MCC: variants seen among roughly 807,000 people sequenced by gnomAD.
MCC encodes colorectal mutant cancer protein.
A neutral mutation model predicts 116.2 loss-of-function variants in MCC; 90 were observed. That is an observed-to-expected ratio of 0.77 (90% CI 0.65 to 0.92). The LOEUF (loss-of-function observed/expected upper bound fraction) is 0.92, where lower values mean the gene tolerates loss of function less well. Ranked by LOEUF, MCC falls within the 40% of genes least tolerant of loss-of-function variation. The pLI is 0.00. For synonymous variants in MCC, 578 were observed against 510.5 expected, an observed-to-expected ratio of 1.13 and a Z score of -1.78; for missense variants, 1,516 against 1,312.2, an observed-to-expected ratio of 1.16 and a Z score of -2.40.
chr5:113,173,914 C>G (rs1011251389), intron 3 of MCC, among the ~76,000 whole-genome samples: 6 of 152,174 alleles, frequency 3.9e-5, no homozygotes, highest in African/African-American at 1.4e-4. Context: ...CCCACCACAC[C>G]ACTCTAACAG....
chr5:113,431,616 A>C (rs942718843), intron 1 of MCC, among the ~76,000 whole-genome samples: 2 of 152,278 alleles, frequency 1.3e-5, no homozygotes, highest in African/African-American at 4.8e-5. Context: ...GGGACACCTG[A>C]GTACCGACTC....
At chr5:113,213,246 T>G (rs1763195248) in intron 3 of MCC, among the ~76,000 whole-genome samples, 1 of 152,114 alleles carries the variant, frequency 6.6e-6, no homozygotes, top group South Asian at 2.1e-4. Context: ...GAATAAACAT[T>G]AAAGCAATCA....
intron 17 of MCC, among the ~76,000 whole-genome samples, chr5:113,041,486 A>G (rs927016369): frequency 1.3e-5 from 2 of 152,218 alleles, no homozygotes; most frequent in Non-Finnish European, 2.9e-5. Context: ...TGCAAAAGGA[A>G]GAAGGGGATT....
intron 1 of MCC, chr5:113,433,884 T>C: frequency 6.2e-7 from 1 of 1,614,050 alleles, no homozygotes; most frequent in Non-Finnish European, 8.5e-7. Flanking sequence ...TGCCTGGGGC[T>C]GTGCCTCTCC....
At chr5:113,175,451 G>A (rs1761284454) in intron 3 of MCC, among the ~76,000 whole-genome samples, 1 of 152,120 alleles carries the variant, frequency 6.6e-6, no homozygotes, top group Admixed American at 6.5e-5. Context: ...TATATTCCAG[G>A]AAGACTAAGT....
At chr5:113,217,596 C>T (rs1004554533) in intron 3 of MCC, among the ~76,000 whole-genome samples, 2 of 152,118 alleles carry the variant, frequency 1.3e-5, no homozygotes, top group Admixed American at 1.3e-4. Context: ...AAAAACAGAT[C>T]CCACTCGTGT....
At chr5:113,184,495 T>C (rs1181386805) in intron 3 of MCC, among the ~76,000 whole-genome samples, 1 of 149,796 alleles carries the variant, frequency 6.7e-6, no homozygotes, top group Non-Finnish European at 1.5e-5. Flanking sequence ...TTTTTTTTTT[T>C]TTGGAGACAG....
intron 3 of MCC, among the ~76,000 whole-genome samples, chr5:113,320,541 C>T (rs1174296607): frequency 6.6e-6 from 1 of 151,508 alleles, no homozygotes; most frequent in Non-Finnish European, 1.5e-5. Flanking sequence ...AGGCCCTCTA[C>T]ATGTTCCAAA....
intron 3 of MCC, among the ~76,000 whole-genome samples, chr5:113,236,865 C>A (rs1016376742): frequency 6.6e-6 from 1 of 152,136 alleles, no homozygotes; most frequent in Non-Finnish European, 1.5e-5. Flanking sequence ...CGCTGGGAGG[C>A]TGGACCAGGA....
At chr5:113,037,353 G>T (rs769783600) in intron 17 of MCC, among the ~76,000 whole-genome samples, 1 of 152,118 alleles carries the variant, frequency 6.6e-6, no homozygotes, top group Admixed American at 6.5e-5. Flanking sequence ...TGGCTTTTTC[G>T]AAGGCACTGG....
intron 17 of MCC, among the ~76,000 whole-genome samples, chr5:113,032,238 CTG>C (rs1249158071): frequency 4.6e-5 from 7 of 152,116 alleles, no homozygotes; most frequent in African/African-American, 1.7e-4. Flanking sequence ...TGGAGAAACC[CTG>C]TCTCTACTAA....
At chr5:113,399,918 T>C (rs1282905867) in intron 1 of MCC, 2 of 152,176 alleles carry the variant, frequency 1.3e-5, no homozygotes, top group Admixed American at 1.3e-4. Flanking sequence ...GATCATTCAC[T>C]GGCATGATAG....
chr5:113,083,921 T>C (rs539512713), intron 10 of MCC, among the ~76,000 whole-genome samples, 180 bp downstream of exon 10: 3 of 152,356 alleles, frequency 2.0e-5, no homozygotes, highest in African/African-American at 7.2e-5. Context: ...TAATTCACCA[T>C]ATGGATGGAA....
chr5:113,084,177 A>G lies in MCC; in HGVS notation c.1559T>C (p.Val520Ala). Reference sequence around the variant, plus strand: ...TTCGGACCTTGTCTTTGATAGCTTCACCCTCTCAGCAATCTTAAAAAAGAA... The same window carrying G: ...TTCGGACCTTGTCTTTGATAGCTTCGCCCTCTCAGCAATCTTAAAAAAGAA... Reference protein sequence around the residue: ...DIPIAKIAERVKLSKTRSESS... With the variant: ...DIPIAKIAERAKLSKTRSESS... Residue 520 changes from valine to alanine, a missense_variant, in exon 10 of 19, where the codon GTG becomes GCG. By Grantham distance (64) the Val-to-Ala change is moderately conservative. Coordinates refer to ENST00000408903, the MANE Select transcript of MCC (RefSeq NM_001085377.2). The G allele has an allele frequency of 3.1e-6, 5 of 1,613,978 alleles. No individual in the cohort carries two copies. The highest frequency in any genetic ancestry group is 4.2e-6 in the Non-Finnish European group (5 of 1,179,848).
chr5:113,236,026 C>T (rs985969106), intron 3 of MCC, among the ~76,000 whole-genome samples: 2 of 152,138 alleles, frequency 1.3e-5, no homozygotes, highest in Admixed American at 1.3e-4. Context: ...CTAGGTAGGT[C>T]GGATTTCCTC....
intron 3 of MCC, among the ~76,000 whole-genome samples, chr5:113,228,679 G>A (rs1239340765): frequency 6.6e-6 from 1 of 152,134 alleles, no homozygotes; most frequent in Non-Finnish European, 1.5e-5. Context: ...TTGAGCAGAG[G>A]AATAACATGA....
chr5:113,470,089 T>C (rs1223246402), intron 1 of MCC, among the ~76,000 whole-genome samples: 1 of 152,086 alleles, frequency 6.6e-6, no homozygotes, highest in Non-Finnish European at 1.5e-5. Context: ...GCACATGAGA[T>C]GGGTTTCCTG....
chr5:113,262,557 C>T (rs1023204991), intron 3 of MCC, among the ~76,000 whole-genome samples: 4 of 152,256 alleles, frequency 2.6e-5, no homozygotes, highest in Admixed American at 6.5e-5. Flanking sequence ...TTATACATGT[C>T]ACCTTAATTC....
chr5:113,085,785 G>C (rs1214180013), intron 8 of MCC, among the ~76,000 whole-genome samples: 1 of 152,058 alleles, frequency 6.6e-6, no homozygotes, highest in Non-Finnish European at 1.5e-5. Flanking sequence ...TTAATCTCCT[G>C]GGCTCAAGGG....
Sources: gnomAD v4.1 joint callset for allele counts (sites outside exome capture counted in the v4.1 genomes callset) on GRCh38, gnomAD v4.1.1 for gene constraint, MANE v1.5 for transcripts, NCBI Gene and HGNC (gene_info 2026-07-23, HGNC 2026-07-21) for gene names.